AMZ2: variants seen among roughly 807,000 people sequenced by gnomAD.
AMZ2 encodes the protein archaemetzincin-2.
Under a neutral mutation model 36.7 loss-of-function variants are expected in AMZ2, and 26 were observed. That is an observed-to-expected ratio of 0.71 (90% confidence interval 0.52 to 0.98). AMZ2 has a LOEUF of 0.98. AMZ2 is among the 50% of genes least tolerant of loss of function. The pLI, the probability that AMZ2 is intolerant of heterozygous loss-of-function variation, is 0.00. For synonymous variants in AMZ2, 144 were observed against 149.1 expected, an observed-to-expected ratio of 0.97 and a Z score of 0.25; for missense variants, 394 against 430.5, an observed-to-expected ratio of 0.92 and a Z score of 0.75.
Position 68,251,110 on chromosome 17 carries a change from T to C in AMZ2, c.518T>C (p.Ile173Thr). 1 of 1,613,932 alleles carries C rather than the reference T, an allele frequency of 6.2e-7. No homozygotes were observed. The highest frequency in any genetic ancestry group is 8.5e-7 in the Non-Finnish European group (1 of 1,179,944). The stretch of plus-strand genomic sequence containing the variant: ...GAAGATGCCTTCTGTGTTGTGGGAA[T>C]AACAATGATTGATCTTTACCCAAGA... ...KPEDAFCVVG[I>T]TMIDLYPRDS... The change falls in exon 4 of 7, where the codon ATA becomes ACA. Residue 173 changes from isoleucine to threonine, a missense_variant. Physicochemically the swap from Ile to Thr is moderately conservative, Grantham distance 89. Transcript: ENST00000359904.
rs1186875062 is a variant in AMZ2, at chr17:68,248,151, C to A, written c.-555C>A. On this transcript the variant is annotated 5_prime_UTR_variant, in exon 1 of 7. Coordinates refer to ENST00000359904, the MANE Select transcript of AMZ2 (RefSeq NM_016627.5). ...GGGTGCTGTCAGAGCTGGGCCGGGG[C>A]CCCTAGGCAGGGTAGCCGGGTCGTA... 1.3e-5 allele frequency: 13 copies of A among 986,302 alleles called. No individual in the cohort carries two copies. Among genetic ancestry groups the A allele is most frequent in the African/African-American group, 3.5e-5 (2 of 57,248 alleles). 61.1% of individuals were successfully genotyped at this position (986,302 alleles called of 1,614,324 possible). A position where few individuals can be genotyped will look rare whatever the true frequency, so the allele number is the denominator to read the frequency against.
intron 1 of AMZ2, among the ~76,000 whole-genome samples, chr17:68,221,954 A>C (rs1555728684): frequency 6.6e-6 from 1 of 152,208 alleles, no homozygotes; most frequent in African/African-American, 2.4e-5. Context: ...AATCCCAGTG[A>C]GGGTGACAAA....
At chr17:68,255,313 G>C (rs1308914668) in intron 5 of AMZ2, among the ~76,000 whole-genome samples, 3 of 86,408 alleles carry the variant, frequency 3.5e-5, no homozygotes, top group African/African-American at 8.9e-5. Flanking sequence ...TCAGCCAGGG[G>C]TGATTTTGCC....
At chr17:68,225,088 A>T (rs1435610857) in intron 1 of AMZ2, among the ~76,000 whole-genome samples, 1 of 151,750 alleles carries the variant, frequency 6.6e-6, no homozygotes, top group Non-Finnish European at 1.5e-5. Flanking sequence ...GCTACTCAGG[A>T]GGCTGAGGCA....
At chr17:68,244,297 C>CT (rs1173208444), upstream of AMZ2, among the ~76,000 whole-genome samples, 1 of 151,930 alleles carries the variant, frequency 6.6e-6, no homozygotes, top group African/African-American at 2.4e-5. Context: ...CTACAATTTA[C>CT]TTTTTTTTGG....
chr17:68,228,455 G>A lies in AMZ2; in HGVS notation c.-66-20185G>A, dbSNP rs182630370. The stretch of plus-strand genomic sequence containing the variant: ...TCCACTCCTACCCTGACTGCCCATC[G>A]GCAAAATGCTTCCTGAGGACAAGGC... On this transcript the variant is annotated intron_variant, in intron 1 of 7. Transcript: ENST00000674770. Among the ~76,000 whole-genome samples, 85 of 152,258 alleles carry A rather than the reference G, an allele frequency of 5.6e-4. 1 individual carries two copies. The highest frequency in any genetic ancestry group is 3.4e-3 in the Middle Eastern group (1 of 292).
chr17:68,246,194 A>G (rs7219871), upstream of AMZ2, among the ~76,000 whole-genome samples: 1 of 108,026 alleles, frequency 9.3e-6, no homozygotes, highest in African/African-American at 3.8e-5. Context: ...TACTAAAAAT[A>G]CAAAAAAAAA....
At chr17:68,217,737 ATTATTGCTTTTAT>A (rs2073234454) in intron 1 of AMZ2, among the ~76,000 whole-genome samples, 1 of 152,084 alleles carries the variant, frequency 6.6e-6, no homozygotes, top group African/African-American at 2.4e-5. Flanking sequence ...TAAGTTTTCC[ATTATTGCTTTTAT>A]TTAATAAGTG....
chr17:68,248,847 G>T, intron 1 of AMZ2, 142 bp downstream of exon 1: 2 of 879,464 alleles, frequency 2.3e-6, no homozygotes, highest in Non-Finnish European at 2.8e-6. Flanking sequence ...TGGAATTTTA[G>T]TCAGCCTCTT....
At chr17:68,255,592 A>G (rs2074838487) in intron 5 of AMZ2, 108 bp from the exon 6 acceptor site, 1 of 1,175,662 alleles carries the variant, frequency 8.5e-7, no homozygotes, top group South Asian at 1.5e-5. Flanking sequence ...TTTGGTGGTA[A>G]TGGTAAGGGA....
At chr17:68,243,661 TC>T (rs1401791899), upstream of AMZ2, among the ~76,000 whole-genome samples, 2 of 152,198 alleles carry the variant, frequency 1.3e-5, no homozygotes, top group African/African-American at 4.8e-5. Flanking sequence ...CTATTAATAC[TC>T]CATGTCAGGT....
intron 5 of AMZ2, 104 bp downstream of exon 5, chr17:68,254,671 A>G (rs782131818): frequency 1.0e-5 from 11 of 1,083,624 alleles, no homozygotes; most frequent in Non-Finnish European, 1.4e-5. Context: ...ATGAGTTTGT[A>G]TCATTTGTAT....
intron 1 of AMZ2, among the ~76,000 whole-genome samples, chr17:68,209,563 TAGA>T (rs1279402568): frequency 6.7e-6 from 1 of 149,002 alleles, no homozygotes; most frequent in South Asian, 2.1e-4. Context: ...AATAATATTA[TAGA>T]AGAAAATAAT....
intron 1 of AMZ2, among the ~76,000 whole-genome samples, chr17:68,214,160 T>G (rs1374074378): frequency 7.2e-5 from 11 of 152,110 alleles, no homozygotes; most frequent in African/African-American, 2.7e-4. Flanking sequence ...ATTAACATCG[T>G]GGTACTCTGT....
chr17:68,252,227 G>C (rs2074539397), intron 4 of AMZ2, among the ~76,000 whole-genome samples: 1 of 152,172 alleles, frequency 6.6e-6, no homozygotes, highest in Admixed American at 6.5e-5. Context: ...ATTAGCCTTA[G>C]GATTTGTGTG....
intron 1 of AMZ2, chr17:68,207,349 G>C (rs538695102): frequency 1.5e-5 from 2 of 131,560 alleles, no homozygotes; most frequent in South Asian, 4.7e-4. Context: ...TATTAAATAC[G>C]TAGTTGGAAT....
At chr17:68,214,403 C>T (rs1220907422) in intron 1 of AMZ2, among the ~76,000 whole-genome samples, 1 of 152,124 alleles carries the variant, frequency 6.6e-6, no homozygotes, top group Non-Finnish European at 1.5e-5. Flanking sequence ...TGGAAGAAAG[C>T]TTCATTTATT....
chr17:68,231,707 C>T (rs1231833847), intron 1 of AMZ2, among the ~76,000 whole-genome samples: 3 of 151,748 alleles, frequency 2.0e-5, no homozygotes, highest in Admixed American at 2.0e-4. Context: ...CCTTTCTTTT[C>T]TTCTTGAAAC....
intron 1 of AMZ2, among the ~76,000 whole-genome samples, chr17:68,229,264 C>T (rs199567646): frequency 1.0e-4 from 15 of 149,128 alleles, no homozygotes; most frequent in South Asian, 4.3e-4. Flanking sequence ...CATGATGTTT[C>T]CTCTCTGGGG....
Sources: allele counts gnomAD v4.1 joint callset (sites outside exome capture counted in the v4.1 genomes callset), GRCh38; gene constraint gnomAD v4.1.1; transcripts MANE v1.5; gene names NCBI Gene and HGNC (gene_info 2026-07-23, HGNC 2026-07-21).